The following TMEM181 variants were observed in gnomAD, a reference collection of about 807,000 sequenced individuals.
The protein encoded by TMEM181 is G protein-coupled receptor 178.
In TMEM181, 39 loss-of-function variants were observed where a neutral mutation model predicts 71.9. That is an observed-to-expected ratio of 0.54 (90% confidence interval 0.42 to 0.71). The LOEUF (loss-of-function observed/expected upper bound fraction) is 0.71. Among genes scored for constraint, TMEM181 ranks in the 30% least tolerant of loss-of-function variants. The probability of loss-of-function intolerance (pLI) is 0.00; values close to 1 mark genes in which losing one functional copy is unlikely to be tolerated. For missense variants in TMEM181, 595 were observed against 583.0 expected (o/e 1.02, Z -0.21); for synonymous variants, 245 against 228.8 (o/e 1.07, Z -0.64).
At chr6:158,557,444 C>T (rs1307503923), upstream of TMEM181, among the ~76,000 whole-genome samples, 1 of 151,900 alleles carries the variant, frequency 6.6e-6, no homozygotes, top group Non-Finnish European at 1.5e-5. Context: ...AGTTTGGGTC[C>T]CTTTCCCCTT....
At position 158,560,093 on chromosome 6, in the gene TMEM181, GT is replaced by G; in HGVS notation, c.-128del. ...TGATCTCGGCGTCGCGCTCTGATGA[GT>G]TTTCCGCGGCCGGCCGCTGCTCAGC... is the stretch of plus-strand genomic sequence containing the variant. On this transcript the variant is annotated 5_prime_UTR_variant, in exon 1 of 17. Transcript: ENST00000684151. The G allele has an allele frequency of 2.0e-6, 2 of 985,074 alleles. No homozygotes were observed. Among genetic ancestry groups the G allele is most frequent in the Non-Finnish European group, 2.4e-6 (2 of 829,802 alleles). The allele number at this position is 985,074 out of a possible 1,614,324, so 61.0% of individuals were successfully genotyped here.
chr6:158,560,064 C>T (rs1239446587), upstream of TMEM181: 2 of 985,234 alleles, frequency 2.0e-6, no homozygotes, highest in Non-Finnish European at 2.4e-6. Flanking sequence ...CGCTTCCGCG[C>T]ACGTGATCTC....
At chr6:158,584,323 C>T (rs1368579346) in intron 4 of TMEM181, among the ~76,000 whole-genome samples, 2 of 152,290 alleles carry the variant, frequency 1.3e-5, no homozygotes, top group Admixed American at 6.5e-5. Flanking sequence ...CAGTGAGGAT[C>T]TGGGAGAGAA....
chr6:158,626,966 TC>T, intron 13 of TMEM181, among the ~76,000 whole-genome samples: 1 of 102,748 alleles, frequency 9.7e-6, no homozygotes, highest in Non-Finnish European at 1.9e-5. Flanking sequence ...ACTCACACCC[TC>T]TCACACATCA....
intron 6 of TMEM181, among the ~76,000 whole-genome samples, chr6:158,597,328 T>G (rs1562297903): frequency 6.6e-6 from 1 of 152,158 alleles, no homozygotes; most frequent in Non-Finnish European, 1.5e-5. Context: ...TAATAGAGAT[T>G]TATTCCTTAC....
Position 158,545,082 on chromosome 6 carries a change from C to T in TMEM181, c.131+8217C>T, listed in dbSNP as rs573104326. Among the ~76,000 whole-genome samples, 94 of 152,362 alleles carry T rather than the reference C, an allele frequency of 6.2e-4. 2 individuals are homozygous for T. The South Asian group carries it at 0.019, about 31-fold the overall frequency. ...TGCTGCCCACCGCTCAGGGGCCAGG[C>T]AGCTCTCCAGGCCCCGTTCCCCTGC... is the stretch of plus-strand genomic sequence containing the variant. On this transcript the variant is annotated intron_variant, in intron 1 of 16. Coordinates refer to the TMEM181 transcript ENST00000367090.
chr6:158,539,604 C>T (rs904172852), intron 1 of TMEM181, among the ~76,000 whole-genome samples: 14 of 152,232 alleles, frequency 9.2e-5, no homozygotes, highest in Admixed American at 8.5e-4. Context: ...GCTAAAGCTC[C>T]GTTTACAAAA....
At chr6:158,584,079 T>C in intron 4 of TMEM181, 35 bp downstream of exon 4, 1 of 1,539,202 alleles carries the variant, frequency 6.5e-7, no homozygotes, top group Non-Finnish European at 8.8e-7. Context: ...GATTTTTCAT[T>C]ATACGAAGAA....
intron 6 of TMEM181, among the ~76,000 whole-genome samples, chr6:158,604,215 C>G (rs1386616781): frequency 1.3e-5 from 2 of 152,230 alleles, no homozygotes; most frequent in Non-Finnish European, 1.5e-5. Context: ...GCCTGGGTTC[C>G]CCTCCATGAT....
upstream of TMEM181, among the ~76,000 whole-genome samples, chr6:158,559,925 A>T (rs1160879564): frequency 2.0e-5 from 3 of 152,108 alleles, no homozygotes; most frequent in African/African-American, 7.2e-5. Flanking sequence ...GCCCCAGCTC[A>T]GGGCTAGCCT....
At chr6:158,624,429 G>GT (rs1786151768) in intron 11 of TMEM181, among the ~76,000 whole-genome samples, 1 of 152,254 alleles carries the variant, frequency 6.6e-6, no homozygotes, top group Non-Finnish European at 1.5e-5. Context: ...CAGGAAAGGG[G>GT]TGGGGGGATG....
intron 15 of TMEM181, among the ~76,000 whole-genome samples, chr6:158,631,044 G>A (rs752867032): frequency 2.5e-4 from 38 of 152,246 alleles, no homozygotes; most frequent in Non-Finnish European, 4.9e-4. Flanking sequence ...TGTGTCAACA[G>A]GAGGCAGCTC....
rs149735409 is a variant in TMEM181 at position 158,544,182 on chromosome 6, A to AGAGAGTGTGTGTGTGTGTGTGTGTGTGT, written c.131+7318_131+7319insAGAGTGTGTGTGTGTGTGTGTGTGTGTG. 1.2e-4 allele frequency among the ~76,000 whole-genome samples: 15 copies of AGAGAGTGTGTGTGTGTGTGTGTGTGTGT among 127,644 alleles called. 1 individual carries two copies. The highest frequency in any genetic ancestry group is 4.3e-4 in the African/African-American group (14 of 32,940). 83.7% of individuals were successfully genotyped at this position (127,644 alleles called of 152,430 possible). A position where few individuals can be genotyped will look rare whatever the true frequency, so the allele number is the denominator to read the frequency against. ...GGTTTCTCAGGTGCAAATTGGAGAG[A>AGAGAGTGTGTGTGTGTGTGTGTGTGTGT]GTGTGTGTGTGTGTGTGTGTGTGTG... is the stretch of plus-strand genomic sequence containing the variant. On this transcript the variant is annotated intron_variant, in intron 1 of 16. Transcript: ENST00000367090.
At position 158,608,379 on chromosome 6, in the gene TMEM181, G is replaced by A; in HGVS notation, c.720G>A (p.Gly240=). 1 of 1,614,222 alleles carries A rather than the reference G, an allele frequency of 6.2e-7. No individual in the cohort carries two copies. Among genetic ancestry groups the A allele is most frequent in the Non-Finnish European group, 8.5e-7 (1 of 1,180,050 alleles). The change falls in exon 9 of 17, where the codon GGG becomes GGA. Residue 240 remains glycine (G), a synonymous_variant. Coordinates refer to ENST00000684151, the MANE Select transcript of TMEM181 (RefSeq NM_001376852.1). ...TCCTGGTCAACAGCTGGCTCCCAGG[G>A]ATGCTGGATGACCTCTTTCAGTCCA... The part of the protein sequence containing the change: ...LSFLVNSWLP[G]MLDDLFQSMF...
At chr6:158,611,268 C>T (rs1331171609) in intron 10 of TMEM181, 10 of 497,184 alleles carry the variant, frequency 2.0e-5, no homozygotes, top group Non-Finnish European at 4.1e-5. Context: ...CCTTCTCAGT[C>T]TTGGCTGGTC....
rs966800344 is a variant in TMEM181, at chr6:158,560,117, A to C, written c.-108A>C. 2 of 984,750 alleles carry C rather than the reference A, an allele frequency of 2.0e-6. No homozygotes were observed. The highest frequency in any genetic ancestry group is 1.7e-5 in the African/African-American group (1 of 57,148). The allele number at this position is 984,750 out of a possible 1,614,324, so 61.0% of individuals were successfully genotyped here. Reference sequence around the variant, plus strand: ...AGTTTTCCGCGGCCGGCCGCTGCTCAGCCGCTGTCGCTCCGGCTCCGGCTG... The same window carrying C: ...AGTTTTCCGCGGCCGGCCGCTGCTCCGCCGCTGTCGCTCCGGCTCCGGCTG... On this transcript the variant is annotated 5_prime_UTR_variant, in exon 1 of 17. Transcript: ENST00000684151.
chr6:158,583,597 G>A (rs1021158118), intron 3 of TMEM181, among the ~76,000 whole-genome samples: 2 of 152,108 alleles, frequency 1.3e-5, no homozygotes, highest in Non-Finnish European at 2.9e-5. Context: ...TCAGGAGATC[G>A]AGACCATCCT....
intron 10 of TMEM181, among the ~76,000 whole-genome samples, chr6:158,623,101 C>G (rs1384205156): frequency 6.6e-6 from 1 of 152,178 alleles, no homozygotes; most frequent in African/African-American, 2.4e-5. Context: ...CCCGTCTGCT[C>G]CAGTCCCCTG....
upstream of TMEM181, among the ~76,000 whole-genome samples, chr6:158,558,836 C>T (rs1271555434): frequency 1.3e-5 from 2 of 152,232 alleles, no homozygotes; most frequent in Middle Eastern, 3.4e-3. Context: ...GTTGGGGACC[C>T]CTGCTCTAGC....
Sources: allele counts gnomAD v4.1 joint callset (sites outside exome capture counted in the v4.1 genomes callset), GRCh38; gene constraint gnomAD v4.1.1; transcripts MANE v1.5; gene names NCBI Gene and HGNC (gene_info 2026-07-23, HGNC 2026-07-21).